EPHA7: variants seen among roughly 807,000 people sequenced by gnomAD.
EPHA7 encodes ephrin type-A receptor 7.
In EPHA7, 25 loss-of-function variants were observed where a neutral mutation model predicts 112.6. That is an observed-to-expected ratio of 0.22 (90% CI 0.16 to 0.31). The LOEUF (loss-of-function observed/expected upper bound fraction) is 0.31. Among genes scored for constraint, EPHA7 ranks in the 10% least tolerant of loss-of-function variants. The pLI is 1.00. For missense variants in EPHA7, 962 were observed against 1,212.6 expected, an observed-to-expected ratio of 0.79 and a Z score of 3.07; for synonymous variants, 437 against 406.5, an observed-to-expected ratio of 1.07 and a Z score of -0.90.
chr6:93,414,481 A>G (rs567225729), intron 2 of EPHA7, among the ~76,000 whole-genome samples: 12 of 151,658 alleles, frequency 7.9e-5, no homozygotes, highest in Admixed American at 5.9e-4. Context: ...AGAACTCAAA[A>G]GACTATGGCT....
In EPHA7 at chr6:93,258,158, C is replaced by A. The variant is rs1353290090; in HGVS notation, c.2051G>T (p.Ser684Ile). 1 of 1,613,390 alleles carries A rather than the reference C, an allele frequency of 6.2e-7. No homozygotes were observed. Among genetic ancestry groups the A allele is most frequent in the Non-Finnish European group, 8.5e-7 (1 of 1,179,710 alleles). ...CGGGTGGTCAAACTGCCCCATGATGCTTGCTTCACACAAAAAGTCTCTCCT... is the reference window on the plus strand; with the variant it reads ...CGGGTGGTCAAACTGCCCCATGATGATTGCTTCACACAAAAAGTCTCTCCT... ...KQRRDFLCEA[S>I]IMGQFDHPNV... is the part of the protein sequence containing the mutation. The change falls in exon 11 of 17, where the codon AGC becomes ATC. Residue 684 changes from serine (S) to isoleucine (I), a missense_variant. Around this residue, in one of 3 missense-constraint regions of EPHA7, gnomAD observed 746 missense variants for 889.2 expected, o/e 0.84. Transcript: ENST00000369303.
chr6:93,241,206 T>G lies in EPHA7; in HGVS notation c.*2220A>C. The G allele has an allele frequency of 4.6e-6, 1 of 215,832 alleles. No homozygotes were observed. Among genetic ancestry groups the G allele is most frequent in the Non-Finnish European group, 9.3e-6 (1 of 106,994 alleles). The allele number at this position is 215,832 out of a possible 1,614,324, so 13.4% of individuals were successfully genotyped here. ...TAGAATGGCTTTTGTTAATTTAATT[T>G]TAATAGAAAAAATAAGCACCTTAAG... On this transcript the variant is annotated 3_prime_UTR_variant, in exon 17 of 17. Coordinates refer to ENST00000369303, the MANE Select transcript of EPHA7 (RefSeq NM_004440.4).
chr6:93,299,095 G>A (rs190033047), intron 5 of EPHA7, among the ~76,000 whole-genome samples: 1 of 150,856 alleles, frequency 6.6e-6, no homozygotes, highest in East Asian at 1.9e-4. Context: ...GGGAGGCCGA[G>A]GCGGGCGGAT....
intron 5 of EPHA7, among the ~76,000 whole-genome samples, chr6:93,346,731 G>A (rs1775424101): frequency 6.6e-6 from 1 of 151,734 alleles, no homozygotes. Context: ...AAAGTAAAGA[G>A]CATGTGGTCC....
chr6:93,301,078 T>A (rs972116887), intron 5 of EPHA7, among the ~76,000 whole-genome samples: 2 of 152,208 alleles, frequency 1.3e-5, no homozygotes, highest in African/African-American at 4.8e-5. Flanking sequence ...GTTGTGTATG[T>A]CGTCTGTCCT....
At chr6:93,330,180 T>C (rs1422859521) in intron 5 of EPHA7, among the ~76,000 whole-genome samples, 2 of 151,336 alleles carry the variant, frequency 1.3e-5, no homozygotes, top group African/African-American at 4.8e-5. Context: ...TAATTTTACA[T>C]GTTTATGAGG....
intron 5 of EPHA7, among the ~76,000 whole-genome samples, chr6:93,291,444 T>G (rs1582459749): frequency 6.6e-6 from 1 of 152,266 alleles, no homozygotes; most frequent in East Asian, 1.9e-4. Flanking sequence ...GCAAAATTGA[T>G]TAAACTTCCA....
intron 3 of EPHA7, among the ~76,000 whole-genome samples, chr6:93,387,962 G>GATAGATAGATAGA (rs1225285073): frequency 2.6e-5 from 4 of 151,670 alleles, no homozygotes; most frequent in Non-Finnish European, 5.9e-5. Flanking sequence ...TAGATAGATA[G>GATAGATAGATAGA]ATAGATAGAT....
At chr6:93,315,751 T>C (rs164293) in intron 5 of EPHA7, among the ~76,000 whole-genome samples, 57,659 of 152,042 alleles carry the variant, frequency 0.38, 11,769 homozygotes, top group African/African-American at 0.54. Flanking sequence ...TAAGAAGTAC[T>C]GTGTTTTGTC....
rs111316788 is a variant in EPHA7 at position 93,260,246 on chromosome 6, T to C, written c.1799-767A>G. 4.8e-3 allele frequency among the ~76,000 whole-genome samples: 725 copies of C among 151,990 alleles called. 6 individuals are homozygous for C. The highest frequency in any genetic ancestry group is 0.017 in the African/African-American group (693 of 41,508). On this transcript the variant is annotated intron_variant, in intron 9 of 16. Coordinates refer to ENST00000369303, the MANE Select transcript of EPHA7 (RefSeq NM_004440.4). ...TGGAAGATCTTAACTGCTGAGGAGG[T>C]AGCCAATATGCCTCACAAAAGGTAG...
At chr6:93,397,254 GTAAA>G (rs1359433351) in intron 3 of EPHA7, among the ~76,000 whole-genome samples, 1 of 151,562 alleles carries the variant, frequency 6.6e-6, no homozygotes, top group Non-Finnish European at 1.5e-5. Flanking sequence ...ATTCTCTCAA[GTAAA>G]TAGTTTTTCA....
intron 5 of EPHA7, among the ~76,000 whole-genome samples, chr6:93,278,558 G>C (rs557086026): frequency 1.3e-5 from 2 of 152,124 alleles, no homozygotes; most frequent in African/African-American, 4.8e-5. Context: ...TACTGGTTTA[G>C]TTCTATTCAA....
At chr6:93,333,716 G>A (rs1318767519) in intron 5 of EPHA7, among the ~76,000 whole-genome samples, 1 of 151,754 alleles carries the variant, frequency 6.6e-6, no homozygotes, top group South Asian at 2.1e-4. Flanking sequence ...TTTGTAATAG[G>A]ATTGTTTAAT....
chr6:93,246,882 T>C lies in EPHA7; in HGVS notation c.2636A>G (p.Glu879Gly). The C allele has an allele frequency of 6.2e-7, 1 of 1,614,012 alleles. No individual in the cohort carries two copies. The highest frequency in any genetic ancestry group is 8.5e-7 in the Non-Finnish European group (1 of 1,179,870). The change falls in exon 15 of 17, where the codon GAA becomes GGA. Residue 879 changes from glutamate to glycine, a missense_variant. By Grantham distance (98) the Glu-to-Gly change is moderately conservative (BLOSUM62 -2). This residue lies in a region of EPHA7 where 746 missense variants were observed against 889.2 expected (regional missense o/e 0.84). Coordinates refer to ENST00000369303, the MANE Select transcript of EPHA7 (RefSeq NM_004440.4). ...MLDCWQKERA[E>G]RPKFEQIVGI... The stretch of plus-strand genomic sequence containing the variant: ...AACTATCTGTTCAAATTTTGGCCTT[T>C]CAGCACGCTCCTTTTGCCAACAATC...
chr6:93,292,661 G>A (rs1222180370), intron 5 of EPHA7, among the ~76,000 whole-genome samples: 1 of 151,904 alleles, frequency 6.6e-6, no homozygotes, highest in Non-Finnish European at 1.5e-5. Context: ...TATGAAAGTA[G>A]GTATAAATAA....
intron 3 of EPHA7, among the ~76,000 whole-genome samples, chr6:93,381,330 T>C (rs972523075): frequency 2.0e-5 from 3 of 152,182 alleles, no homozygotes; most frequent in African/African-American, 7.2e-5. Flanking sequence ...TTTTCATAAA[T>C]CTAGGACTGA....
intron 3 of EPHA7, among the ~76,000 whole-genome samples, chr6:93,375,523 C>T (rs2127964785): frequency 1.3e-5 from 2 of 151,284 alleles, no homozygotes; most frequent in East Asian, 3.9e-4. Context: ...GAGGCTGATG[C>T]AGGAGGATCA....
chr6:93,409,518 A>G (rs1778874300), intron 3 of EPHA7: 1 of 152,090 alleles, frequency 6.6e-6, no homozygotes. Flanking sequence ...AGTTATTATT[A>G]TCAGTAGTCT....
chr6:93,280,473 A>G (rs965127814), intron 5 of EPHA7, among the ~76,000 whole-genome samples: 2 of 152,172 alleles, frequency 1.3e-5, no homozygotes, highest in Admixed American at 1.3e-4. Context: ...GCTTCAACTA[A>G]TACAGATTTC....
Sources: gnomAD v4.1 joint callset for allele counts (sites outside exome capture counted in the v4.1 genomes callset) on GRCh38, gnomAD v4.1.1 for gene constraint, gnomAD v4.1.1 regional missense constraint, MANE v1.5 for transcripts, NCBI Gene and HGNC (gene_info 2026-07-23, HGNC 2026-07-21) for gene names.